The following CALN1 variants were observed in gnomAD, a reference collection of about 807,000 sequenced individuals.
The protein encoded by CALN1 is calcium-binding protein 8.
In CALN1, 17 loss-of-function variants were observed where a neutral mutation model predicts 30.6. The observed-to-expected ratio is 0.56, with a 90% CI of 0.38 to 0.83. The LOEUF is 0.83. Among genes scored for constraint, CALN1 ranks in the 40% least tolerant of loss-of-function variants. The pLI, the probability that CALN1 is intolerant of heterozygous loss-of-function variation, is 0.00. For synonymous variants in CALN1, 156 were observed against 131.4 expected, an observed-to-expected ratio of 1.19 and a Z score of -1.28; for missense variants, 291 against 354.9, an observed-to-expected ratio of 0.82 and a Z score of 1.45.
intron 4 of CALN1, among the ~76,000 whole-genome samples, chr7:72,054,512 T>TATATAC (rs1803104756): frequency 3.5e-5 from 2 of 56,540 alleles, no homozygotes; most frequent in African/African-American, 1.7e-4. Context: ...TATATATACA[T>TATATAC]ATATATACAT....
At chr7:72,062,860 G>T (rs1803762717) in intron 4 of CALN1, among the ~76,000 whole-genome samples, 1 of 152,128 alleles carries the variant, frequency 6.6e-6, no homozygotes, top group African/African-American at 2.4e-5. Context: ...TTGAGGCCCA[G>T]ATGGCTTCCT....
intron 5 of CALN1, among the ~76,000 whole-genome samples, chr7:72,021,856 A>G (rs180788897): frequency 2.0e-5 from 3 of 151,718 alleles, no homozygotes; most frequent in African/African-American, 7.3e-5. Flanking sequence ...CTCACCTTCT[A>G]CTCAGCATGT....
intron 6 of CALN1, among the ~76,000 whole-genome samples, chr7:71,802,506 A>C (rs1479467079): frequency 6.6e-6 from 1 of 152,166 alleles, no homozygotes; most frequent in African/African-American, 2.4e-5. Flanking sequence ...TCTGTTGCCC[A>C]GGCTGAAGTG....
chr7:71,949,652 T>C (rs1367759212), intron 5 of CALN1, among the ~76,000 whole-genome samples: 1 of 152,032 alleles, frequency 6.6e-6, no homozygotes, highest in African/African-American at 2.4e-5. Flanking sequence ...AGTGCTGAGC[T>C]TACAGGCATG....
Position 72,117,683 on chromosome 7 carries a change from C to T in CALN1, c.245-11389G>A, listed in dbSNP as rs576254549. ...TAAGAATGAGTCACTGTTGGCCAGA[C>T]ACGGTGGCTCCCACCTGTAATCTCA... On this transcript the variant is annotated intron_variant, in intron 3 of 6. Transcript: ENST00000395275. Among the ~76,000 whole-genome samples the T allele has an allele frequency of 2.8e-4, 42 of 152,192 alleles. 1 individual carries two copies. The South Asian group carries it at 8.5e-3, about 31-fold the overall frequency.
intron 4 of CALN1, among the ~76,000 whole-genome samples, chr7:72,070,594 G>T (rs1215515243): frequency 1.3e-5 from 2 of 152,152 alleles, no homozygotes; most frequent in Non-Finnish European, 2.9e-5. Context: ...GGGATATGAA[G>T]AGTTCCCTGA....
chr7:72,111,598 T>C (rs542252233), intron 3 of CALN1, among the ~76,000 whole-genome samples: 1 of 151,972 alleles, frequency 6.6e-6, no homozygotes, highest in Non-Finnish European at 1.5e-5. Flanking sequence ...CACACCACCA[T>C]GCTCGACTAA....
chr7:72,051,251 A>C (rs906324328), intron 4 of CALN1, among the ~76,000 whole-genome samples: 2 of 151,942 alleles, frequency 1.3e-5, no homozygotes, highest in Non-Finnish European at 2.9e-5. Flanking sequence ...CGAATCCAGA[A>C]AGAAGAAAAT....
chr7:71,921,907 C>T (rs1247388170), intron 5 of CALN1, among the ~76,000 whole-genome samples: 1 of 151,734 alleles, frequency 6.6e-6, no homozygotes, highest in Non-Finnish European at 1.5e-5. Context: ...AAAAAGTTGT[C>T]CTTGACTCCC....
the CALN1 span, among the ~76,000 whole-genome samples, chr7:72,462,385 A>G: frequency 0.13 from 19,616 of 151,994 alleles, 2,590 homozygotes; most frequent in African/African-American, 0.34. Context: ...GCATCTCACC[A>G]TGTTGCCCAG....
chr7:72,240,637 A>G (rs1194749777), intron 3 of CALN1, among the ~76,000 whole-genome samples: 2 of 152,246 alleles, frequency 1.3e-5, no homozygotes, highest in African/African-American at 4.8e-5. Flanking sequence ...CTCTGTTGCT[A>G]AAACTACCCT....
intron 2 of CALN1, among the ~76,000 whole-genome samples, chr7:72,374,532 A>C (rs1198253419): frequency 7.8e-6 from 1 of 127,772 alleles, no homozygotes; most frequent in Admixed American, 7.9e-5. Flanking sequence ...CTCTGTCTCC[A>C]AAAAAAAAAA....
intron 5 of CALN1, among the ~76,000 whole-genome samples, chr7:71,977,747 C>T (rs1404863023): frequency 2.0e-5 from 3 of 152,018 alleles, no homozygotes; most frequent in African/African-American, 4.8e-5. Flanking sequence ...GCCTGGCCAA[C>T]ATGGTGAAAC....
chr7:72,158,633 A>T (rs771225817), intron 3 of CALN1, among the ~76,000 whole-genome samples: 10 of 152,128 alleles, frequency 6.6e-5, no homozygotes, highest in Middle Eastern at 3.2e-3. Flanking sequence ...GTAAAGAGTG[A>T]CATGACACAG....
At chr7:71,804,614 T>C (rs1562794059) in intron 6 of CALN1, among the ~76,000 whole-genome samples, 1 of 151,968 alleles carries the variant, frequency 6.6e-6, no homozygotes, top group Non-Finnish European at 1.5e-5. Context: ...ATGTCAGGAG[T>C]TCGAGATCAG....
intron 2 of CALN1, among the ~76,000 whole-genome samples, chr7:72,375,674 G>A (rs1474543905): frequency 1.3e-5 from 2 of 152,008 alleles, no homozygotes; most frequent in Non-Finnish European, 2.9e-5. Flanking sequence ...TTGAGACAGT[G>A]TCTTGCTATA....
In CALN1 at chr7:72,001,116, A is replaced by C. The variant is rs368103625; in HGVS notation, c.501+22541T>G. ...ACAGTAATTGGTTGTAGCCAGCATC[A>C]GGGAAAGGCAGTCTCTAAACAGGTA... On this transcript the variant is annotated intron_variant, in intron 5 of 6. Transcript: ENST00000395275. 5.7e-3 allele frequency among the ~76,000 whole-genome samples: 868 copies of C among 152,212 alleles called. 8 individuals are homozygous for C. Among genetic ancestry groups the C allele is most frequent in the African/African-American group, 0.02 (822 of 41,524 alleles).
intron 2 of CALN1, among the ~76,000 whole-genome samples, chr7:72,356,521 G>C (rs1378770598): frequency 6.6e-6 from 1 of 151,790 alleles, no homozygotes; most frequent in South Asian, 2.1e-4. Context: ...GGTCTCTAGG[G>C]ATATCACTAA....
intron 5 of CALN1, among the ~76,000 whole-genome samples, chr7:72,012,863 T>C (rs1192619316): frequency 6.6e-6 from 1 of 151,714 alleles, no homozygotes; most frequent in Non-Finnish European, 1.5e-5. Context: ...GGGCGTGATC[T>C]TGGCTCACTG....
Sources: gnomAD v4.1 joint callset for allele counts (sites outside exome capture counted in the v4.1 genomes callset) on GRCh38, gnomAD v4.1.1 for gene constraint, MANE v1.5 for transcripts, NCBI Gene and HGNC (gene_info 2026-07-23, HGNC 2026-07-21) for gene names.